PAH: variants seen among roughly 807,000 people sequenced by gnomAD.
PAH encodes the protein phenylalanine-4-hydroxylase.
A neutral mutation model predicts 62.0 loss-of-function variants in PAH; 64 were observed. That is an observed-to-expected ratio of 1.03 (90% CI 0.84 to 1.27). The LOEUF is 1.27. Ranked by LOEUF, PAH falls within the 50% of genes most tolerant of loss-of-function variation. The probability of loss-of-function intolerance (pLI) is 0.00; values close to 1 mark genes in which losing one functional copy is unlikely to be tolerated. For missense variants in PAH, 579 were observed against 542.8 expected (o/e 1.07, Z -0.66); for synonymous variants, 195 against 196.2 (o/e 0.99, Z 0.05).
intron 8 of PAH, among the ~76,000 whole-genome samples, chr12:102,848,644 G>A (rs1422930891): frequency 6.6e-6 from 1 of 151,704 alleles, no homozygotes; most frequent in Non-Finnish European, 1.5e-5. Flanking sequence ...GAGAGGTAGA[G>A]GGTAAACAGG....
At position 102,851,765 on chromosome 12, in the gene PAH, CAG is replaced by C; in HGVS notation, c.843-11_843-10del. On this transcript the variant is annotated splice_polypyrimidine_tract_variant and intron_variant, in intron 7 of 12. Coordinates refer to ENST00000553106, the MANE Select transcript of PAH (RefSeq NM_000277.3). ...GCTCATGGCAGATGTCACTGAAAGA[CAG>C]AAAGCACAGAGAGCTCGGAGGGGAG... 6.2e-7 allele frequency: 1 copy of C among 1,612,928 alleles called. No homozygotes were observed. The highest frequency in any genetic ancestry group is 8.5e-7 in the Non-Finnish European group (1 of 1,178,954).
intron 1 of PAH, chr12:102,958,170 T>C: frequency 8.3e-7 from 1 of 1,198,722 alleles, no homozygotes; most frequent in Non-Finnish European, 1.1e-6. Flanking sequence ...AAGTTCTCTC[T>C]GTGTCCCCCT....
intron 2 of PAH, among the ~76,000 whole-genome samples, chr12:102,902,831 C>T (rs1327268815): frequency 2.6e-5 from 4 of 152,258 alleles, no homozygotes; most frequent in Middle Eastern, 6.8e-3. Context: ...TGGCATGTCT[C>T]CTGTGTGATT....
intron 2 of PAH, among the ~76,000 whole-genome samples, chr12:102,899,892 G>A (rs1243944904): frequency 1.6e-5 from 2 of 124,310 alleles, no homozygotes; most frequent in Admixed American, 1.7e-4. Context: ...AAAAAAGTGA[G>A]TAACAAAAAC....
At chr12:102,923,456 T>G (rs1227026679) in intron 1 of PAH, 1 of 152,162 alleles carries the variant, frequency 6.6e-6, no homozygotes, top group Admixed American at 6.5e-5. Flanking sequence ...ATATTCAAGC[T>G]CTTCATGCTA....
chr12:102,935,202 T>A, intron 1 of PAH, among the ~76,000 whole-genome samples: 1 of 152,156 alleles, frequency 6.6e-6, no homozygotes, highest in East Asian at 1.9e-4. Flanking sequence ...TCACTTTGAT[T>A]GATATGTAAA....
chr12:102,852,306 C>A (rs1051502026), intron 7 of PAH: 2 of 193,522 alleles, frequency 1.0e-5, no homozygotes, highest in Non-Finnish European at 1.1e-5. Flanking sequence ...ACTTTATGGG[C>A]AAGGAAAAAC....
chr12:102,958,420 A>C (rs893520986), upstream of PAH: 5 of 1,543,346 alleles, frequency 3.2e-6, no homozygotes, highest in Admixed American at 2.0e-5. Context: ...CAGCAGCAGC[A>C]GCAGCAGCAG....
At chr12:102,851,108 GAA>G (rs1441107271) in intron 8 of PAH, among the ~76,000 whole-genome samples, 3 of 147,830 alleles carry the variant, frequency 2.0e-5, no homozygotes, top group Non-Finnish European at 4.5e-5. Context: ...AAAAAAGAAA[GAA>G]AAAGAAAAAG....
chr12:102,934,637 A>G (rs1013472419), intron 1 of PAH, among the ~76,000 whole-genome samples: 3 of 151,862 alleles, frequency 2.0e-5, no homozygotes, highest in Admixed American at 1.3e-4. Context: ...GAGACCTTTC[A>G]CTTCTTAGGT....
chr12:102,847,935 A>T (rs1036397007), intron 8 of PAH, among the ~76,000 whole-genome samples: 2 of 152,250 alleles, frequency 1.3e-5, no homozygotes, highest in African/African-American at 4.8e-5. Flanking sequence ...GGAGGAACCA[A>T]TGTGGCTGGA....
chr12:102,910,363 T>C (rs1878152277), intron 2 of PAH, among the ~76,000 whole-genome samples: 1 of 151,496 alleles, frequency 6.6e-6, no homozygotes. Context: ...TGCAACCTCC[T>C]TGAAATTCCT....
At chr12:102,931,934 T>C (rs1340975324) in intron 1 of PAH, among the ~76,000 whole-genome samples, 1 of 152,096 alleles carries the variant, frequency 6.6e-6, no homozygotes, top group African/African-American at 2.4e-5. Context: ...CACTGGTAAA[T>C]GAAGCAGACA....
chr12:102,915,311 T>A (rs1878341778), intron 1 of PAH: 1 of 152,180 alleles, frequency 6.6e-6, no homozygotes, highest in Admixed American at 6.5e-5. Context: ...CAGAAATTGA[T>A]TTGTCCTTAG....
upstream of PAH, among the ~76,000 whole-genome samples, chr12:102,954,021 A>C (rs1288696681): frequency 6.6e-6 from 1 of 152,310 alleles, no homozygotes; most frequent in Non-Finnish European, 1.5e-5. Flanking sequence ...TTCTCCCTTC[A>C]TGTGAAGATA....
chr12:102,898,619 T>C (rs1222736445), intron 2 of PAH, among the ~76,000 whole-genome samples: 1 of 152,218 alleles, frequency 6.6e-6, no homozygotes, highest in African/African-American at 2.4e-5. Context: ...TAACACTTTA[T>C]AGTATAGAAT....
chr12:102,873,190 T>C (rs2136674082), intron 4 of PAH, among the ~76,000 whole-genome samples: 1 of 152,306 alleles, frequency 6.6e-6, no homozygotes, highest in Non-Finnish European at 1.5e-5. Flanking sequence ...CCTCTCTCCT[T>C]TGTTCAGAGA....
intron 3 of PAH, among the ~76,000 whole-genome samples, chr12:102,885,399 C>T (rs1026117124): frequency 6.6e-6 from 1 of 152,218 alleles, no homozygotes; most frequent in Non-Finnish European, 1.5e-5. Context: ...ATACCTCGGC[C>T]GGTGGGCTGG....
chr12:102,930,747 G>T (rs191565771), intron 1 of PAH, among the ~76,000 whole-genome samples: 2 of 152,280 alleles, frequency 1.3e-5, no homozygotes, highest in East Asian at 3.9e-4. Context: ...TTCTCTCCTT[G>T]TCAGGAATAT....
Sources: allele counts gnomAD v4.1 joint callset (sites outside exome capture counted in the v4.1 genomes callset), GRCh38; gene constraint gnomAD v4.1.1; transcripts MANE v1.5; gene names NCBI Gene and HGNC (gene_info 2026-07-23, HGNC 2026-07-21).